Variants in DDX11 observed in about 807,000 individuals in gnomAD.
DDX11 encodes DEAD/H-box helicase 11, also known as ATP-dependent DNA helicase DDX11.
Under a neutral mutation model 125.2 loss-of-function variants are expected in DDX11, and 72 were observed. That is an observed-to-expected ratio of 0.58 (90% confidence interval 0.48 to 0.70). The LOEUF is 0.70. Among genes scored for constraint, DDX11 ranks in the 30% least tolerant of loss-of-function variants. The probability of loss-of-function intolerance (pLI) is 0.00; values close to 1 mark genes in which losing one functional copy is unlikely to be tolerated. For missense variants in DDX11, 883 were observed against 1,165.0 expected, an observed-to-expected ratio of 0.76 and a Z score of 3.52; for synonymous variants, 347 against 452.6, an observed-to-expected ratio of 0.77 and a Z score of 2.96.
intron 12 of DDX11, chr12:31,094,202 G>A (rs1398921893): frequency 6.4e-6 from 2 of 311,610 alleles, no homozygotes; most frequent in South Asian, 3.1e-5. Context: ...AGCTCCTGGC[G>A]GGAGCTGGTC....
At position 31,089,793 on chromosome 12, in the gene DDX11, G is replaced by C. The variant is rs1159686391; in HGVS notation, c.881-93G>C. 10 of 1,551,962 alleles carry C rather than the reference G, an allele frequency of 6.4e-6. 1 individual carries two copies. The East Asian group carries it at 2.4e-4, about 37-fold the overall frequency. On this transcript the variant is annotated intron_variant, in intron 8 of 26. Coordinates refer to ENST00000542838, the MANE Select transcript of DDX11 (RefSeq NM_030653.4). Reference sequence around the variant, plus strand: ...AGGGTCTTATAGACCCTACCCCATGGAAGTGGGTCTCAACATTACACAACC... The same window carrying C: ...AGGGTCTTATAGACCCTACCCCATGCAAGTGGGTCTCAACATTACACAACC...
Position 31,096,913 on chromosome 12 carries a change from C to T in DDX11, c.1685C>T (p.Pro562Leu), listed in dbSNP as rs1469586145. 2 of 1,614,056 alleles carry T rather than the reference C, an allele frequency of 1.2e-6. No individual in the cohort carries two copies. The highest frequency in any genetic ancestry group is 2.7e-5 in the African/African-American group (2 of 74,932). The change falls in exon 17 of 27, where the codon CCA becomes CTA. Residue 562 changes from proline to leucine, a missense_variant. Pro to Leu is a moderately conservative substitution (Grantham distance 98). Coordinates refer to ENST00000542838, the MANE Select transcript of DDX11 (RefSeq NM_030653.4). ...SQASTLRPAS[P>L]LMHIQGFLAA... The stretch of plus-strand genomic sequence containing the variant: ...GCCAGCACCCTGCGACCAGCTTCTC[C>T]ACTGATGCACATCCAAGGCTTCCTG...
intron 2 of DDX11, among the ~76,000 whole-genome samples, chr12:31,082,899 G>T (rs1565852575): frequency 6.6e-6 from 1 of 152,166 alleles, no homozygotes; most frequent in Non-Finnish European, 1.5e-5. Flanking sequence ...TTCTCCTTGG[G>T]TATCATCACA....
At chr12:31,078,345 C>G (rs1941120710) in intron 1 of DDX11, 45 bp from the exon 2 acceptor site, 1 of 1,603,928 alleles carries the variant, frequency 6.2e-7, no homozygotes, top group Non-Finnish European at 8.5e-7. Flanking sequence ...CCACTTCTTC[C>G]TGGACCATGA....
At chr12:31,076,451 T>A (rs1176833282) in intron 1 of DDX11, among the ~76,000 whole-genome samples, 1 of 143,080 alleles carries the variant, frequency 7.0e-6, no homozygotes, top group Admixed American at 7.2e-5. Flanking sequence ...TGAACCTCCC[T>A]TCAGTGAACC....
In DDX11 at chr12:31,101,963, G is replaced by T; in HGVS notation, c.2183G>T (p.Arg728Leu). 1 of 1,599,018 alleles carries T rather than the reference G, an allele frequency of 6.3e-7. No homozygotes were observed. The highest frequency in any genetic ancestry group is 8.6e-7 in the Non-Finnish European group (1 of 1,168,690). The stretch of plus-strand genomic sequence containing the variant: ...TGGGAGAAGGGTGGCCTGCTGGGCC[G>T]TCTGGCTGCCAGGAAGAAGGTGAGT... ...AHWEKGGLLG[R>L]LAARKKIFQE... Residue 728 changes from arginine to leucine, a missense_variant, in exon 21 of 27, where the codon CGT (arginine) becomes CTT (leucine). This residue lies in a region of DDX11 where 285 missense variants were observed against 346.0 expected (regional missense o/e 0.82). Transcript: ENST00000542838.
At chr12:31,089,254 T>C (rs767444140) in intron 7 of DDX11, 103 bp downstream of exon 7, 5 of 1,364,410 alleles carry the variant, frequency 3.7e-6, no homozygotes, top group East Asian at 2.3e-5. Flanking sequence ...TGTGACAGGC[T>C]GAACCGTGTG....
intron 2 of DDX11, among the ~76,000 whole-genome samples, chr12:31,081,557 T>C (rs1359010494): frequency 6.6e-6 from 1 of 151,514 alleles, no homozygotes; most frequent in African/African-American, 2.4e-5. Flanking sequence ...TTTGCGGGGA[T>C]CTATGATGCC....
At chr12:31,102,197 T>G (rs754499066) in intron 21 of DDX11, 46 bp from the exon 22 acceptor site, 23 of 1,600,028 alleles carry the variant, frequency 1.4e-5, no homozygotes, top group Non-Finnish European at 8.6e-7. Flanking sequence ...ACTCGAGACC[T>G]GGCACCCTGA....
intron 2 of DDX11, among the ~76,000 whole-genome samples, 184 bp downstream of exon 2, chr12:31,078,721 T>A (rs913609884): frequency 3.1e-4 from 46 of 150,650 alleles, no homozygotes; most frequent in African/African-American, 1.1e-3. Flanking sequence ...GGAGTCTCGC[T>A]GTGTCGCCCA....
At position 31,103,681 on chromosome 12, in the gene DDX11, C is replaced by T. The variant is rs3893680; in HGVS notation, c.2641C>T (p.Arg881Cys). 62 of 1,613,682 alleles carry T rather than the reference C, an allele frequency of 3.8e-5. No individual in the cohort carries two copies. The highest frequency in any genetic ancestry group is 3.2e-4 in the South Asian group (29 of 91,038). Residue 881 changes from arginine (R) to cysteine (C), a missense_variant, in exon 26 of 27, where the codon CGT becomes TGT. By Grantham distance (180) the Arg-to-Cys change is radical (BLOSUM62 -3). Transcript: ENST00000542838. ...CAAGCTGCCGGCCTGGATCCGAGCC[C>T]GTGTGGAGGTCAAAGCTACCTTTGG... is the stretch of plus-strand genomic sequence containing the variant. ...LAKLPAWIRARVEVKATFGPA... is the reference protein window; with the variant it reads ...LAKLPAWIRACVEVKATFGPA...
intron 12 of DDX11, chr12:31,093,728 A>G (rs940537079): frequency 4.9e-5 from 8 of 162,582 alleles, no homozygotes; most frequent in African/African-American, 2.5e-4. Flanking sequence ...CTCAAAAAAA[A>G]AAAAAAAAAA....
chr12:31,086,621 G>A (rs1193771189), intron 5 of DDX11, among the ~76,000 whole-genome samples: 1 of 152,188 alleles, frequency 6.6e-6, no homozygotes, highest in African/African-American at 2.4e-5. Flanking sequence ...GAGCCCGTGG[G>A]GACAAGGCAG....
At chr12:31,099,808 A>G (rs1390080076) in intron 18 of DDX11, among the ~76,000 whole-genome samples, 1 of 151,986 alleles carries the variant, frequency 6.6e-6, no homozygotes, top group African/African-American at 2.4e-5. Context: ...AGATCTATTC[A>G]GGAAAGCCTC....
At position 31,104,156 on chromosome 12, in the gene DDX11, G is replaced by A; in HGVS notation, c.*320G>A. ...TTCCTGGTCTCCGCAGGAGGCTGTG[G>A]CAGCTGTGGCATCCACTGTGGCATC... is the stretch of plus-strand genomic sequence containing the variant. On this transcript the variant is annotated 3_prime_UTR_variant, in exon 27 of 27. Transcript: ENST00000542838. The A allele has an allele frequency of 1.4e-6, 2 of 1,448,122 alleles. No homozygotes were observed. The highest frequency in any genetic ancestry group is 2.6e-4 in the Middle Eastern group (1 of 3,910). 89.7% of individuals were successfully genotyped at this position (1,448,122 alleles called of 1,614,324 possible).
intron 1 of DDX11, among the ~76,000 whole-genome samples, chr12:31,076,240 G>T (rs1004074613): frequency 1.2e-4 from 19 of 152,146 alleles, no homozygotes; most frequent in African/African-American, 4.1e-4. Flanking sequence ...CGAAAGTTTG[G>T]GATAAGCAGA....
In DDX11 at chr12:31,097,737, T is replaced by C; in HGVS notation, c.1763-148T>C. On this transcript the variant is annotated intron_variant, in intron 17 of 26. Coordinates refer to ENST00000542838, the MANE Select transcript of DDX11 (RefSeq NM_030653.4). ...GTGTGGTCCACCTCTGTGGGCTGGT[T>C]GTCCTAGAGATTAAATGGTGTTTAA... The C allele has an allele frequency of 4.7e-6, 3 of 637,244 alleles. No individual in the cohort carries two copies. The Admixed American group carries it at 6.4e-5, about 14-fold the overall frequency. 39.5% of individuals were successfully genotyped at this position (637,244 alleles called of 1,614,324 possible).
At chr12:31,075,881 A>AT (rs1054379214) in intron 1 of DDX11, among the ~76,000 whole-genome samples, 2 of 152,146 alleles carry the variant, frequency 1.3e-5, no homozygotes, top group African/African-American at 2.4e-5. Flanking sequence ...GAGTAATGTG[A>AT]TTTTTTAAAA....
chr12:31,080,424 C>G (rs188957546), intron 2 of DDX11, among the ~76,000 whole-genome samples: 3 of 152,350 alleles, frequency 2.0e-5, no homozygotes, highest in Admixed American at 2.0e-4. Flanking sequence ...GAGCCCACTT[C>G]CTGTCTTCTG....
Sources: gnomAD v4.1 joint callset for allele counts (sites outside exome capture counted in the v4.1 genomes callset) on GRCh38, gnomAD v4.1.1 for gene constraint, gnomAD v4.1.1 regional missense constraint, MANE v1.5 for transcripts, NCBI Gene and HGNC (gene_info 2026-07-23, HGNC 2026-07-21) for gene names.